The following PRDM2 variants were observed in gnomAD, a reference collection of about 807,000 sequenced individuals.
PRDM2 encodes the protein PR domain zinc finger protein 2.
A neutral mutation model predicts 130.0 loss-of-function variants in PRDM2; 30 were observed. The ratio of observed to expected loss-of-function variants is 0.23; its 90% confidence interval spans 0.17 to 0.31. PRDM2 has a LOEUF of 0.31. Among genes scored for constraint, PRDM2 ranks in the 10% least tolerant of loss-of-function variants. The probability of loss-of-function intolerance (pLI) is 1.00; values close to 1 mark genes in which losing one functional copy is unlikely to be tolerated. For missense variants in PRDM2, 2,011 were observed against 2,108.4 expected (o/e 0.95, Z 0.90); for synonymous variants, 871 against 782.4 (o/e 1.11, Z -1.89).
At chr1:13,808,822 A>G (rs963731937) in intron 8 of PRDM2, among the ~76,000 whole-genome samples, 8 of 152,218 alleles carry the variant, frequency 5.3e-5, no homozygotes, top group Non-Finnish European at 1.0e-4. Flanking sequence ...CCTTTATCAG[A>G]CAGTCGCAGA....
intron 7 of PRDM2, among the ~76,000 whole-genome samples, chr1:13,777,083 C>A (rs1644491422): frequency 6.6e-6 from 1 of 152,180 alleles, no homozygotes. Context: ...CACGCACATG[C>A]ACACAGACCA....
chr1:13,756,247 A>G (rs181174645), intron 6 of PRDM2, among the ~76,000 whole-genome samples: 211 of 149,146 alleles, frequency 1.4e-3, no homozygotes, highest in African/African-American at 4.9e-3. Context: ...TGGGCAACAG[A>G]GCGAGACTCC....
intron 6 of PRDM2, among the ~76,000 whole-genome samples, chr1:13,759,567 C>A (rs930974882): frequency 1.3e-5 from 2 of 151,474 alleles, no homozygotes; most frequent in African/African-American, 4.8e-5. Flanking sequence ...AGCAGAATGT[C>A]TAAGGGCCTG....
chr1:13,741,520 G>T (rs185158704), intron 4 of PRDM2, among the ~76,000 whole-genome samples: 1 of 152,294 alleles, frequency 6.6e-6, no homozygotes, highest in African/African-American at 2.4e-5. Flanking sequence ...CTGCTGAATT[G>T]TATAGCCCTG....
chr1:13,781,055 C>G lies in PRDM2; in HGVS notation c.3260C>G (p.Ser1087Cys). ...TCCGCAATATCATCTGTTGTTTCCT[C>G]TGGTGATAATCTGGAGGCTTCTCTC... ...PLSAISSVVSSGDNLEASLPM... is the reference protein window; with the variant it reads ...PLSAISSVVSCGDNLEASLPM... Residue 1087 changes from serine (S) to cysteine (C), a missense_variant, in exon 8 of 10, where the codon TCT becomes TGT. This residue lies in a region of PRDM2 where 1,288 missense variants were observed against 1,237.7 expected (regional missense o/e 1.04). Coordinates refer to ENST00000311066, the MANE Select transcript of PRDM2 (RefSeq NM_001393986.1). The surrounding 1 kb of genome is among the most constrained non-coding windows in gnomAD (Gnocchi z 6.1). 6.2e-7 allele frequency: 1 copy of G among 1,612,652 alleles called. No homozygotes were observed. The highest frequency in any genetic ancestry group is 1.7e-4 in the Middle Eastern group (1 of 6,056).
chr1:13,793,083 C>T (rs1236910901), intron 8 of PRDM2, among the ~76,000 whole-genome samples: 1 of 152,198 alleles, frequency 6.6e-6, no homozygotes, highest in African/African-American at 2.4e-5. Flanking sequence ...AGTTTTACTG[C>T]AGAGAGTGTG....
chr1:13,731,160 G>A, intron 3 of PRDM2, 43 bp downstream of exon 3: 1 of 1,529,638 alleles, frequency 6.5e-7, no homozygotes. Context: ...GCAGTAAAGA[G>A]CAGGTGGCAG....
At chr1:13,804,324 C>T (rs965862074) in intron 8 of PRDM2, among the ~76,000 whole-genome samples, 7 of 152,138 alleles carry the variant, frequency 4.6e-5, no homozygotes, top group Non-Finnish European at 1.0e-4. Context: ...CCAAGGCCTA[C>T]GTTCATTCTC....
intron 1 of PRDM2, among the ~76,000 whole-genome samples, chr1:13,702,880 G>A (rs1478649244): frequency 6.6e-6 from 1 of 152,212 alleles, no homozygotes; most frequent in East Asian, 1.9e-4. Context: ...GGAGGAGGTT[G>A]ATGGTTGGGG....
chr1:13,794,218 C>T (rs1158754468), intron 8 of PRDM2, among the ~76,000 whole-genome samples: 1 of 152,170 alleles, frequency 6.6e-6, no homozygotes, highest in Non-Finnish European at 1.5e-5. Flanking sequence ...GAAGGCTGAT[C>T]AGCTGGCACC....
At chr1:13,706,081 A>G (rs1052989011) in intron 1 of PRDM2, among the ~76,000 whole-genome samples, 3 of 151,384 alleles carry the variant, frequency 2.0e-5, no homozygotes, top group Non-Finnish European at 4.4e-5. Context: ...TCAAACCACC[A>G]TTCCTGCAGT....
chr1:13,746,214 T>A (rs902935005), intron 5 of PRDM2, among the ~76,000 whole-genome samples: 1 of 151,890 alleles, frequency 6.6e-6, no homozygotes, highest in African/African-American at 2.4e-5. Context: ...AATATTAAAA[T>A]ATATTTAAAA....
At chr1:13,707,531 G>A (rs1485558964) in intron 1 of PRDM2, among the ~76,000 whole-genome samples, 1 of 152,174 alleles carries the variant, frequency 6.6e-6, no homozygotes, top group Non-Finnish European at 1.5e-5. Flanking sequence ...ATAAGTTAAA[G>A]TTTTTATACA....
chr1:13,806,308 C>T lies in PRDM2; in HGVS notation c.5037-10119C>T, dbSNP rs1038993329. Among the ~76,000 whole-genome samples, 6 of 152,140 alleles carry T rather than the reference C, an allele frequency of 3.9e-5. No homozygotes were observed. The highest frequency in any genetic ancestry group is 7.2e-5 in the African/African-American group (3 of 41,416). On this transcript the variant is annotated intron_variant, in intron 8 of 9. Transcript: ENST00000311066. This position sits in a 1 kb window ranked among gnomAD's most constrained non-coding sequence, Gnocchi z 4.1. ...GGGCTCTGTCCCCTCGCTCCGTCTC[C>T]GCTCCCCCTTGGTGATCTCATCCAG...
In PRDM2 at chr1:13,722,773, C is replaced by G; in HGVS notation, c.9+7159C>G. The stretch of plus-strand genomic sequence containing the variant: ...CAGGTGACTTATTTTCTTTGCTTCT[C>G]TTGAACGTTGACAGTCTCTAAAGCC... On this transcript the variant is annotated intron_variant, in intron 2 of 9. Transcript: ENST00000311066. 6 of 499,342 alleles carry G rather than the reference C, an allele frequency of 1.2e-5. 1 individual carries two copies. The highest frequency in any genetic ancestry group is 8.8e-5 in the South Asian group (6 of 68,370). The allele number at this position is 499,342 out of a possible 1,614,324, so 30.9% of individuals were successfully genotyped here.
chr1:13,751,898 C>T (rs1643855148), intron 6 of PRDM2, among the ~76,000 whole-genome samples: 1 of 152,018 alleles, frequency 6.6e-6, no homozygotes, highest in Non-Finnish European at 1.5e-5. Context: ...AGAGCAAAGC[C>T]CTGATTTCTT....
At chr1:13,821,280 A>T (rs1316548052) in intron 9 of PRDM2, among the ~76,000 whole-genome samples, 1 of 152,110 alleles carries the variant, frequency 6.6e-6, no homozygotes, top group Non-Finnish European at 1.5e-5. Flanking sequence ...AACTGGTATT[A>T]TTATTATTAT....
intron 6 of PRDM2, among the ~76,000 whole-genome samples, chr1:13,762,688 A>G (rs760885682): frequency 1.3e-5 from 2 of 152,188 alleles, no homozygotes; most frequent in Non-Finnish European, 2.9e-5. Context: ...GACCAGCACC[A>G]AGGAAGATTG....
chr1:13,793,574 A>G (rs915793089), intron 8 of PRDM2, among the ~76,000 whole-genome samples: 1 of 152,204 alleles, frequency 6.6e-6, no homozygotes, highest in African/African-American at 2.4e-5. Context: ...AGTTTCTATT[A>G]ATTTCATGAG....
Sources: gnomAD v4.1 joint callset for allele counts (sites outside exome capture counted in the v4.1 genomes callset) on GRCh38, gnomAD v4.1.1 for gene constraint, gnomAD v4.1.1 regional missense constraint, Gnocchi (gnomAD v3.1) non-coding constraint, MANE v1.5 for transcripts, NCBI Gene and HGNC (gene_info 2026-07-23, HGNC 2026-07-21) for gene names.